The following NRXN3 variants were observed in gnomAD, a reference collection of about 807,000 sequenced individuals.
NRXN3 encodes the protein neurexin 3.
A neutral mutation model predicts 137.6 loss-of-function variants in NRXN3; 32 were observed. The observed-to-expected ratio is 0.23, with a 90% CI of 0.18 to 0.31. The LOEUF (loss-of-function observed/expected upper bound fraction) is 0.31. Among genes scored for constraint, NRXN3 ranks in the 10% least tolerant of loss-of-function variants. The pLI is 1.00. For synonymous variants in NRXN3, 798 were observed against 784.5 expected, an observed-to-expected ratio of 1.02 and a Z score of -0.29; for missense variants, 1,574 against 2,062.5, an observed-to-expected ratio of 0.76 and a Z score of 4.59.
intron 4 of NRXN3, among the ~76,000 whole-genome samples, chr14:78,472,776 A>G (rs2095300688): frequency 6.6e-6 from 1 of 152,194 alleles, no homozygotes; most frequent in African/African-American, 2.4e-5. Context: ...GATAAAGGAC[A>G]GGGGCTCCCT....
At chr14:79,392,380 T>C (rs891797256) in intron 15 of NRXN3, among the ~76,000 whole-genome samples, 1 of 152,232 alleles carries the variant, frequency 6.6e-6, no homozygotes, top group African/African-American at 2.4e-5. Flanking sequence ...ATTTTCTTTA[T>C]CCAGTCTGTC....
At chr14:79,517,773 T>C (rs1396453490) in intron 16 of NRXN3, among the ~76,000 whole-genome samples, 2 of 152,106 alleles carry the variant, frequency 1.3e-5, no homozygotes, top group African/African-American at 4.8e-5. Flanking sequence ...TCTGCACTTT[T>C]ATTCTGCTGT....
chr14:79,340,008 T>C (rs919678902), intron 15 of NRXN3, among the ~76,000 whole-genome samples: 3 of 152,194 alleles, frequency 2.0e-5, no homozygotes, highest in African/African-American at 7.2e-5. Context: ...CTGAAGTGTT[T>C]TCCTATGTCC....
intron 16 of NRXN3, among the ~76,000 whole-genome samples, chr14:79,557,720 C>T (rs1567496270): frequency 6.6e-6 from 1 of 152,046 alleles, no homozygotes; most frequent in Non-Finnish European, 1.5e-5. Flanking sequence ...AGGGTCTTGT[C>T]TTGATGTTGA....
intron 19 of NRXN3, among the ~76,000 whole-genome samples, chr14:79,698,586 G>GT (rs2098743397): frequency 6.6e-6 from 1 of 151,980 alleles, no homozygotes; most frequent in Non-Finnish European, 1.5e-5. Context: ...TTTTGTGGCA[G>GT]TTTTTTTCCA....
At chr14:78,983,455 A>T (rs538042994) in intron 14 of NRXN3, among the ~76,000 whole-genome samples, 1 of 152,274 alleles carries the variant, frequency 6.6e-6, no homozygotes, top group East Asian at 1.9e-4. Context: ...GATGCAATAC[A>T]TTTGCTCATT....
intron 4 of NRXN3, among the ~76,000 whole-genome samples, chr14:78,543,811 G>A (rs1234050525): frequency 2.0e-5 from 3 of 152,048 alleles, no homozygotes; most frequent in Admixed American, 2.0e-4. Context: ...CTTCAAAAGG[G>A]TCTTGAGTGC....
intron 15 of NRXN3, among the ~76,000 whole-genome samples, chr14:79,009,778 T>C (rs1284468907): frequency 6.6e-6 from 1 of 152,174 alleles, no homozygotes; most frequent in Non-Finnish European, 1.5e-5. Context: ...CTATGAATAA[T>C]TTCTGCAGAC....
chr14:79,846,079 A>G (rs931795118), intron 20 of NRXN3, among the ~76,000 whole-genome samples: 44 of 152,148 alleles, frequency 2.9e-4, no homozygotes, highest in Admixed American at 1.3e-4. Flanking sequence ...ACAGATCACC[A>G]TAACAGATAC....
At chr14:78,802,052 C>A (rs1595990105) in intron 8 of NRXN3, among the ~76,000 whole-genome samples, 1 of 152,290 alleles carries the variant, frequency 6.6e-6, no homozygotes, top group African/African-American at 2.4e-5. Flanking sequence ...TTAATAAAGA[C>A]CTACTCAGTG....
chr14:78,638,563 C>A (rs1297497085), intron 4 of NRXN3, among the ~76,000 whole-genome samples: 1 of 152,146 alleles, frequency 6.6e-6, no homozygotes, highest in Non-Finnish European at 1.5e-5. Context: ...ATTAAGTGTA[C>A]AATAGAATTC....
At chr14:79,209,313 T>TA (rs376791418) in intron 15 of NRXN3, among the ~76,000 whole-genome samples, 8,511 of 143,724 alleles carry the variant, frequency 0.059, 309 homozygotes, top group Middle Eastern at 0.086. Flanking sequence ...CAGTCTTTAT[T>TA]AAAAAAAAAA....
Position 78,877,135 on chromosome 14 carries a change from T to C in NRXN3, c.2275+66791T>C, listed in dbSNP as rs146285249. 4.4e-3 allele frequency among the ~76,000 whole-genome samples: 674 copies of C among 152,328 alleles called. 5 individuals are homozygous for C. The highest frequency in any genetic ancestry group is 0.027 in the Middle Eastern group (8 of 294). Reference sequence around the variant, plus strand: ...AGACTTTCCAGAAAGGTGAGGTTCATTCATTCAATTGCTTCTTGGCTGAGC... The same window carrying C: ...AGACTTTCCAGAAAGGTGAGGTTCACTCATTCAATTGCTTCTTGGCTGAGC... On this transcript the variant is annotated intron_variant, in intron 10 of 20. Transcript: ENST00000335750.
chr14:78,806,507 TTG>T (rs1254570925), intron 9 of NRXN3, among the ~76,000 whole-genome samples: 5 of 152,174 alleles, frequency 3.3e-5, no homozygotes, highest in African/African-American at 4.8e-5. Flanking sequence ...TCTATTCAAG[TTG>T]TGTCTTTTTT....
intron 16 of NRXN3, among the ~76,000 whole-genome samples, chr14:79,497,953 G>T (rs1422282531): frequency 6.6e-6 from 1 of 152,082 alleles, no homozygotes. Flanking sequence ...AGAATCACTT[G>T]AACCCAGGAT....
chr14:78,442,403 A>G (rs1213768931), intron 4 of NRXN3, among the ~76,000 whole-genome samples: 1 of 152,248 alleles, frequency 6.6e-6, no homozygotes. Flanking sequence ...GGCAGCCACC[A>G]GAAGCTGGAA....
At chr14:79,716,192 C>A (rs1349008283) in intron 19 of NRXN3, among the ~76,000 whole-genome samples, 5 of 152,192 alleles carry the variant, frequency 3.3e-5, no homozygotes. Context: ...GCCAAAGGTG[C>A]AGATCCCCTT....
At chr14:79,240,509 A>G (rs1289315260) in intron 15 of NRXN3, among the ~76,000 whole-genome samples, 1 of 152,094 alleles carries the variant, frequency 6.6e-6, no homozygotes, top group African/African-American at 2.4e-5. Context: ...TCTAATCAGC[A>G]TTGTTTTGTC....
intron 16 of NRXN3, among the ~76,000 whole-genome samples, chr14:79,526,630 C>T (rs1260795651): frequency 6.6e-6 from 1 of 152,088 alleles, no homozygotes; most frequent in East Asian, 1.9e-4. Context: ...AGCTGCATAC[C>T]GTGTGCCAGA....
Sources: allele counts gnomAD v4.1 joint callset (sites outside exome capture counted in the v4.1 genomes callset), GRCh38; gene constraint gnomAD v4.1.1; transcripts MANE v1.5; gene names NCBI Gene and HGNC (gene_info 2026-07-23, HGNC 2026-07-21).